Variants in ADAM23 observed in about 807,000 individuals in gnomAD.
The protein encoded by ADAM23 is disintegrin and metalloproteinase domain-containing protein 23.
Under a neutral mutation model 120.1 loss-of-function variants are expected in ADAM23, and 33 were observed. The ratio of observed to expected loss-of-function variants is 0.27; its 90% CI spans 0.21 to 0.37. The LOEUF is 0.37. ADAM23 is among the 10% of genes least tolerant of loss of function. The pLI is 1.00. For missense variants in ADAM23, 862 were observed against 1,058.2 expected (o/e 0.81, Z 2.57); for synonymous variants, 367 against 375.2 (o/e 0.98, Z 0.25).
intron 3 of ADAM23, among the ~76,000 whole-genome samples, chr2:206,516,697 GT>G: frequency 6.6e-6 from 1 of 152,148 alleles, no homozygotes. Flanking sequence ...CACATTGGGG[GT>G]TAGGGCCTCA....
intron 18 of ADAM23, among the ~76,000 whole-genome samples, chr2:206,576,228 C>A (rs1221099996): frequency 6.6e-6 from 1 of 151,634 alleles, no homozygotes; most frequent in East Asian, 1.9e-4. Context: ...ATATTTTTAG[C>A]TTTGTAGAAT....
chr2:206,556,938 G>T (rs1697656048), intron 9 of ADAM23, among the ~76,000 whole-genome samples: 1 of 152,162 alleles, frequency 6.6e-6, no homozygotes, highest in South Asian at 2.1e-4. Context: ...TAAGCCGTTT[G>T]TATAAGCTAC....
intron 3 of ADAM23, among the ~76,000 whole-genome samples, chr2:206,485,844 C>G (rs1696001071): frequency 6.6e-6 from 1 of 152,018 alleles, no homozygotes; most frequent in Non-Finnish European, 1.5e-5. Flanking sequence ...TTTAGATGGT[C>G]AGAAGAAGCA....
At chr2:206,523,618 G>A (rs769933863) in intron 3 of ADAM23, among the ~76,000 whole-genome samples, 1 of 151,974 alleles carries the variant, frequency 6.6e-6, no homozygotes, top group Non-Finnish European at 1.5e-5. Flanking sequence ...ATTTTAGGTG[G>A]TATGAGTCTA....
At chr2:206,607,788 T>A (rs1012559161) in intron 24 of ADAM23, among the ~76,000 whole-genome samples, 7 of 152,162 alleles carry the variant, frequency 4.6e-5, no homozygotes, top group Non-Finnish European at 8.8e-5. Context: ...TATAGTTTTT[T>A]AAAAAATAAT....
Position 206,481,298 on chromosome 2 carries a change from A to G in ADAM23, c.499A>G (p.Ile167Val). Residue 167 changes from isoleucine (I) to valine (V), a missense_variant, in exon 3 of 26, where the codon ATA becomes GTA. This residue lies in a region of ADAM23 where 617 missense variants were observed against 813.5 expected (regional missense o/e 0.76). Coordinates refer to ENST00000264377, the MANE Select transcript of ADAM23 (RefSeq NM_003812.4). ...CGGCTCCAAATTCATTCTTGACCTC[A>G]TACTGAACAAGTGAGTATTTAGACA... The part of the protein sequence containing the change: ...AFGSKFILDL[I>V]LNNGLLSSDY... The G allele has an allele frequency of 6.2e-7, 1 of 1,607,668 alleles. No homozygotes were observed.
In ADAM23 at chr2:206,566,322, A is replaced by G. The variant is rs563493471; in HGVS notation, c.1395-901A>G. ...CTAAGAGGTTCCTATCAACAGTGGC[A>G]GGTTTCACCTACTTCTGTAAACTAC... is the stretch of plus-strand genomic sequence containing the variant. On this transcript the variant is annotated intron_variant, in intron 14 of 25. Coordinates refer to ENST00000264377, the MANE Select transcript of ADAM23 (RefSeq NM_003812.4). Among the ~76,000 whole-genome samples the G allele has an allele frequency of 9.2e-5, 14 of 152,190 alleles. No homozygotes were observed. The East Asian group carries it at 2.5e-3, about 27-fold the overall frequency.
chr2:206,504,726 G>A (rs1921668), intron 3 of ADAM23, among the ~76,000 whole-genome samples: 44,120 of 152,018 alleles, frequency 0.29, 6,567 homozygotes, highest in Middle Eastern at 0.32. Flanking sequence ...CAGAAATTTA[G>A]TAGTGGACAC....
At chr2:206,598,175 A>G (rs1698566599) in intron 24 of ADAM23, among the ~76,000 whole-genome samples, 1 of 152,170 alleles carries the variant, frequency 6.6e-6, no homozygotes. Flanking sequence ...GCCAAGGTTC[A>G]TTCTTTCCAA....
Position 206,609,537 on chromosome 2 carries a change from G to T in ADAM23, c.2360-373G>T, listed in dbSNP as rs573964957. ...CATGCCCCCATTTGTGAGTCAGATG[G>T]AGCTTGTCTGAATGCGATGGTGTTC... On this transcript the variant is annotated intron_variant, in intron 24 of 25. Coordinates refer to ENST00000264377, the MANE Select transcript of ADAM23 (RefSeq NM_003812.4). 1.4e-4 allele frequency among the ~76,000 whole-genome samples: 22 copies of T among 152,274 alleles called. No homozygotes were observed. The South Asian group carries it at 4.6e-3, about 32-fold the overall frequency.
chr2:206,558,260 TTGTAA>T (rs1459056593), intron 10 of ADAM23, among the ~76,000 whole-genome samples: 2 of 152,314 alleles, frequency 1.3e-5, no homozygotes, highest in South Asian at 2.1e-4. Flanking sequence ...ACTCCATATG[TTGTAA>T]TGTAAAGTGC....
At chr2:206,530,645 A>C (rs901036593) in intron 3 of ADAM23, among the ~76,000 whole-genome samples, 9 of 125,778 alleles carry the variant, frequency 7.2e-5, no homozygotes, top group African/African-American at 1.2e-4. Context: ...AAAAGAGTTC[A>C]CCGTTGGATT....
rs538748869 is a variant in ADAM23 at position 206,499,301 on chromosome 2, T to C, written c.509+17993T>C. The stretch of plus-strand genomic sequence containing the variant: ...GAAAATGTGGCACGTATACACCATA[T>C]ACTATGCAGCCATAAAAAAGGATGA... On this transcript the variant is annotated intron_variant, in intron 3 of 25. Coordinates refer to ENST00000264377, the MANE Select transcript of ADAM23 (RefSeq NM_003812.4). Among the ~76,000 whole-genome samples, 228 of 151,276 alleles carry C rather than the reference T, an allele frequency of 1.5e-3. 2 individuals carry two copies. The highest frequency in any genetic ancestry group is 0.013 in the Admixed American group (202 of 15,102).
At chr2:206,504,420 G>A (rs780252604) in intron 3 of ADAM23, among the ~76,000 whole-genome samples, 33 of 152,040 alleles carry the variant, frequency 2.2e-4, no homozygotes, top group Admixed American at 5.9e-4. Context: ...ACCAAAATTA[G>A]TAGCATTTTA....
chr2:206,609,777 A>C lies in ADAM23; in HGVS notation c.2360-133A>C, dbSNP rs138837178. The stretch of plus-strand genomic sequence containing the variant: ...TCTAAAATGCAATTAAGCTAAGTAA[A>C]TAAAGGCAATTTAAATGTTTAGCCG... On this transcript the variant is annotated intron_variant, in intron 24 of 25. Coordinates refer to ENST00000264377, the MANE Select transcript of ADAM23 (RefSeq NM_003812.4). 374 of 689,000 alleles carry C rather than the reference A, an allele frequency of 5.4e-4. 5 individuals carry two copies. The highest frequency in any genetic ancestry group is 5.3e-3 in the South Asian group (267 of 49,940). The allele number at this position is 689,000 out of a possible 1,614,324, so 42.7% of individuals were successfully genotyped here.
chr2:206,499,580 G>A (rs1265128162), intron 3 of ADAM23, among the ~76,000 whole-genome samples: 2 of 151,826 alleles, frequency 1.3e-5, no homozygotes, highest in Non-Finnish European at 2.9e-5. Flanking sequence ...CATGGCACAT[G>A]TATACATATG....
At chr2:206,498,512 A>G (rs947820738) in intron 3 of ADAM23, among the ~76,000 whole-genome samples, 9 of 152,226 alleles carry the variant, frequency 5.9e-5, no homozygotes, top group Non-Finnish European at 1.2e-4. Context: ...AAGATGGATT[A>G]AAGACTTACA....
chr2:206,616,329 G>C (rs1251435996), intron 25 of ADAM23, among the ~76,000 whole-genome samples: 1 of 152,202 alleles, frequency 6.6e-6, no homozygotes, highest in Non-Finnish European at 1.5e-5. Flanking sequence ...GAATGATGAA[G>C]AAAAGTAAAC....
Position 206,594,909 on chromosome 2 carries a change from A to G in ADAM23, c.2247+4A>G, listed in dbSNP as rs766325587. 1.2e-6 allele frequency: 2 copies of G among 1,614,062 alleles called. No homozygotes were observed. The highest frequency in any genetic ancestry group is 8.5e-7 in the Non-Finnish European group (1 of 1,179,942). On this transcript the variant is annotated splice_donor_region_variant and intron_variant, in intron 23 of 25. Coordinates refer to ENST00000264377, the MANE Select transcript of ADAM23 (RefSeq NM_003812.4). The stretch of plus-strand genomic sequence containing the variant: ...TAAAGTCTGTTCGGGCCATGGGGTA[A>G]GTAGGTATCAATGTGACAGCTGGAA...
Sources: gnomAD v4.1 joint callset for allele counts (sites outside exome capture counted in the v4.1 genomes callset) on GRCh38, gnomAD v4.1.1 for gene constraint, gnomAD v4.1.1 regional missense constraint, MANE v1.5 for transcripts, NCBI Gene and HGNC (gene_info 2026-07-23, HGNC 2026-07-21) for gene names.